Variants in GRID2 observed in about 807,000 individuals in gnomAD.
GRID2 encodes glutamate ionotropic receptor delta type subunit 2.
GRID2 carries 33 observed loss-of-function variants against 114.8 expected under a neutral mutation model. The ratio of observed to expected loss-of-function variants is 0.29; its 90% CI spans 0.22 to 0.38. The LOEUF (loss-of-function observed/expected upper bound fraction) is 0.38, where lower values mean the gene tolerates loss of function less well. Ranked by LOEUF, GRID2 falls within the 10% of genes least tolerant of loss-of-function variation. The pLI, the probability that GRID2 is intolerant of heterozygous loss-of-function variation, is 1.00. For synonymous variants in GRID2, 505 were observed against 449.9 expected, an observed-to-expected ratio of 1.12 and a Z score of -1.55; for missense variants, 1,184 against 1,257.7, an observed-to-expected ratio of 0.94 and a Z score of 0.89.
intron 11 of GRID2, among the ~76,000 whole-genome samples, chr4:93,457,566 G>A (rs1175142051): frequency 6.6e-6 from 1 of 152,126 alleles, no homozygotes; most frequent in Non-Finnish European, 1.5e-5. Flanking sequence ...AAAAGGCAAT[G>A]TGAAAAGTCA....
rs115421637 is a variant in GRID2, at chr4:93,309,939, G to A, written c.1245+71449G>A. On this transcript the variant is annotated intron_variant, in intron 8 of 15. Coordinates refer to ENST00000282020, the MANE Select transcript of GRID2 (RefSeq NM_001510.4). ...ATTGATGGGCTTTGCTTTATTAATT[G>A]TTTATACATATTGTGCAGGGTGTAT... Among the ~76,000 whole-genome samples, 912 of 152,174 alleles carry A rather than the reference G, an allele frequency of 6.0e-3. 6 individuals are homozygous for A. Among genetic ancestry groups the A allele is most frequent in the Non-Finnish European group, 0.011 (714 of 67,998 alleles).
At chr4:93,443,824 T>G (rs1003968011) in intron 10 of GRID2, among the ~76,000 whole-genome samples, 9 of 151,906 alleles carry the variant, frequency 5.9e-5, no homozygotes, top group African/African-American at 2.2e-4. Flanking sequence ...AATCTATTCC[T>G]TGAATGCTGG....
chr4:93,576,749 AT>A (rs1461159377), intron 13 of GRID2, among the ~76,000 whole-genome samples: 1 of 152,016 alleles, frequency 6.6e-6, no homozygotes, highest in East Asian at 1.9e-4. Flanking sequence ...TGATCCAAGA[AT>A]TTTCTTTAAA....
intron 8 of GRID2, among the ~76,000 whole-genome samples, chr4:93,262,466 A>G (rs1428796925): frequency 6.6e-6 from 1 of 152,020 alleles, no homozygotes; most frequent in African/African-American, 2.4e-5. Context: ...GGCTGATTCA[A>G]GAAGAAAACA....
intron 2 of GRID2, among the ~76,000 whole-genome samples, chr4:92,600,427 C>T (rs1729170269): frequency 6.6e-6 from 1 of 151,892 alleles, no homozygotes; most frequent in Admixed American, 6.6e-5. Context: ...GCTCAGAAAT[C>T]CTGCTTTTAT....
At chr4:93,530,742 A>G (rs1382244804) in intron 13 of GRID2, among the ~76,000 whole-genome samples, 4 of 152,156 alleles carry the variant, frequency 2.6e-5, no homozygotes, top group African/African-American at 9.7e-5. Context: ...TCATCAGTGT[A>G]TCCCTCTATC....
At chr4:93,781,788 C>G (rs982881048) in intron 1 of GRID2, among the ~76,000 whole-genome samples, 1 of 152,014 alleles carries the variant, frequency 6.6e-6, no homozygotes, top group Admixed American at 6.5e-5. Flanking sequence ...ATGTTTAGTA[C>G]AGAGTGTTTT....
intron 14 of GRID2, among the ~76,000 whole-genome samples, chr4:93,735,292 T>C (rs1276112078): frequency 6.6e-6 from 1 of 152,064 alleles, no homozygotes; most frequent in Non-Finnish European, 1.5e-5. Flanking sequence ...GTCCCAGTGG[T>C]CATAGGCCTT....
intron 13 of GRID2, among the ~76,000 whole-genome samples, chr4:93,617,910 C>T (rs1264119233): frequency 6.6e-6 from 1 of 152,100 alleles, no homozygotes; most frequent in East Asian, 1.9e-4. Flanking sequence ...TAATCTATGC[C>T]ATATCCATCT....
chr4:93,400,749 TA>T (rs1765801964), intron 9 of GRID2, among the ~76,000 whole-genome samples: 1 of 152,088 alleles, frequency 6.6e-6, no homozygotes, highest in South Asian at 2.1e-4. Flanking sequence ...TGATTGGCCT[TA>T]AAAAAGACAT....
chr4:93,483,800 G>C (rs1388552405), intron 11 of GRID2, among the ~76,000 whole-genome samples: 1 of 151,886 alleles, frequency 6.6e-6, no homozygotes, highest in Admixed American at 6.6e-5. Flanking sequence ...TCATGCTTTA[G>C]CAGAGCACTT....
chr4:93,423,344 T>C (rs1485579215), intron 10 of GRID2, among the ~76,000 whole-genome samples: 4 of 112,936 alleles, frequency 3.5e-5, no homozygotes, highest in African/African-American at 7.0e-5. Context: ...TTCTTTTTTT[T>C]TTTTTTTTTT....
intron 1 of GRID2, among the ~76,000 whole-genome samples, chr4:92,552,721 A>G (rs1726657501): frequency 6.6e-6 from 1 of 152,162 alleles, no homozygotes; most frequent in Non-Finnish European, 1.5e-5. Flanking sequence ...AGTTTTGGGG[A>G]GCAACAAAGA....
At position 93,559,777 on chromosome 4, in the gene GRID2, C is replaced by G. The variant is rs182767418; in HGVS notation, c.2193+44366C>G. On this transcript the variant is annotated intron_variant, in intron 13 of 15. Transcript: ENST00000282020. ...TCATTCTACTATAAAGACACATGCA[C>G]AAGTATGTTTATTGCAGCACTATTC... Among the ~76,000 whole-genome samples the G allele has an allele frequency of 5.9e-5, 9 of 152,190 alleles. No individual in the cohort carries two copies. In the East Asian group the frequency reaches 1.7e-3, roughly 29 times the overall value.
At chr4:93,681,997 T>C (rs1725599516) in intron 14 of GRID2, among the ~76,000 whole-genome samples, 1 of 151,274 alleles carries the variant, frequency 6.6e-6, no homozygotes, top group African/African-American at 2.4e-5. Context: ...ACAGGCAACC[T>C]ACAAAATGGG....
intron 12 of GRID2, among the ~76,000 whole-genome samples, chr4:93,494,827 A>C (rs922134237): frequency 6.6e-6 from 1 of 151,728 alleles, no homozygotes; most frequent in Non-Finnish European, 1.5e-5. Context: ...TTTTCTCTTG[A>C]TAACTAGACT....
At chr4:93,359,152 G>A (rs531970061) in intron 8 of GRID2, among the ~76,000 whole-genome samples, 1 of 152,154 alleles carries the variant, frequency 6.6e-6, no homozygotes, top group Admixed American at 6.6e-5. Context: ...TTTCAAATGT[G>A]TCTCTGACAT....
intron 2 of GRID2, among the ~76,000 whole-genome samples, chr4:92,921,739 A>G (rs1749357180): frequency 6.6e-6 from 1 of 152,128 alleles, no homozygotes; most frequent in Non-Finnish European, 1.5e-5. Context: ...TGGCCGTGTG[A>G]GGTGTCAGTC....
chr4:92,890,207 C>G (rs907427240), intron 2 of GRID2, among the ~76,000 whole-genome samples: 1 of 152,050 alleles, frequency 6.6e-6, no homozygotes, highest in Non-Finnish European at 1.5e-5. Flanking sequence ...TAGGTGTGGG[C>G]AAAGATTTCA....
Sources: gnomAD v4.1 joint callset for allele counts (sites outside exome capture counted in the v4.1 genomes callset) on GRCh38, gnomAD v4.1.1 for gene constraint, MANE v1.5 for transcripts, NCBI Gene and HGNC (gene_info 2026-07-23, HGNC 2026-07-21) for gene names.